The following RHOBTB1 variants were observed in gnomAD, a reference collection of about 807,000 sequenced individuals.
RHOBTB1 encodes Rho related BTB domain containing 1, also known as rho-related BTB domain-containing protein 1.
A neutral mutation model predicts 71.6 loss-of-function variants in RHOBTB1; 40 were observed. That is an observed-to-expected ratio of 0.56 (90% CI 0.43 to 0.73). The LOEUF is 0.73. RHOBTB1 is among the 30% of genes least tolerant of loss of function. RHOBTB1 has a pLI of 0.00. For missense variants in RHOBTB1, 797 were observed against 894.0 expected, an observed-to-expected ratio of 0.89 and a Z score of 1.38; for synonymous variants, 319 against 334.9, an observed-to-expected ratio of 0.95 and a Z score of 0.52.
chr10:60,976,365 G>A (rs577091162), intron 2 of RHOBTB1, among the ~76,000 whole-genome samples: 196 of 151,278 alleles, frequency 1.3e-3, no homozygotes, highest in African/African-American at 4.2e-3. Flanking sequence ...GAGTAAGATC[G>A]CTGAAATCTC....
At position 60,870,583 on chromosome 10, in the gene RHOBTB1, G is replaced by A. The variant is rs1005625424; in HGVS notation, c.*899C>T. Reference sequence around the variant, plus strand: ...TTTTCCCTTGCCCATCTCAATTCAAGTCAGTGAAGAATCTGCATGCAGAAG... The same window carrying A: ...TTTTCCCTTGCCCATCTCAATTCAAATCAGTGAAGAATCTGCATGCAGAAG... On this transcript the variant is annotated 3_prime_UTR_variant, in exon 11 of 11. Coordinates refer to ENST00000337910, the MANE Select transcript of RHOBTB1 (RefSeq NM_014836.5). The A allele has an allele frequency of 4.6e-5, 7 of 152,182 alleles. No individual in the cohort carries two copies. Among genetic ancestry groups the A allele is most frequent in the African/African-American group, 1.7e-4 (7 of 41,434 alleles). 9.4% of individuals were successfully genotyped at this position (152,182 alleles called of 1,614,324 possible). A position where few individuals can be genotyped will look rare whatever the true frequency, so the allele number is the denominator to read the frequency against.
chr10:60,897,598 C>G (rs4072139), intron 4 of RHOBTB1, among the ~76,000 whole-genome samples: 46,541 of 152,048 alleles, frequency 0.31, 7,402 homozygotes, highest in East Asian at 0.58. Context: ...CTCCAGAAAG[C>G]TATGAGTGGG....
intron 4 of RHOBTB1, among the ~76,000 whole-genome samples, chr10:60,899,482 G>C (rs1015252881): frequency 9.9e-5 from 15 of 152,264 alleles, no homozygotes; most frequent in African/African-American, 3.6e-4. Flanking sequence ...GGAGGTCTCT[G>C]GGATTAACCT....
intron 2 of RHOBTB1, among the ~76,000 whole-genome samples, chr10:60,920,501 G>A (rs1044667950): frequency 3.3e-5 from 5 of 152,150 alleles, no homozygotes; most frequent in Non-Finnish European, 7.3e-5. Context: ...AGGTTAGAAA[G>A]GTAGGTGGGG....
intron 7 of RHOBTB1, among the ~76,000 whole-genome samples, chr10:60,884,743 A>G (rs1311948727): frequency 6.6e-6 from 1 of 152,218 alleles, no homozygotes; most frequent in Non-Finnish European, 1.5e-5. Context: ...ACAGAGAGAC[A>G]AATATCACAG....
intron 8 of RHOBTB1, among the ~76,000 whole-genome samples, chr10:60,875,621 A>G (rs546813364): frequency 4.6e-5 from 7 of 152,210 alleles, no homozygotes; most frequent in Non-Finnish European, 1.0e-4. Flanking sequence ...GTTGAGTGAC[A>G]GAGGAATGAG....
chr10:60,940,406 G>A (rs150726127), intron 2 of RHOBTB1, among the ~76,000 whole-genome samples: 1 of 152,246 alleles, frequency 6.6e-6, no homozygotes, highest in East Asian at 1.9e-4. Flanking sequence ...GTTAATTCAG[G>A]CAAAACCTGA....
the RHOBTB1 span, among the ~76,000 whole-genome samples, chr10:60,862,289 C>T: frequency 2.6e-5 from 4 of 152,016 alleles, no homozygotes; most frequent in Admixed American, 2.6e-4. Flanking sequence ...CTTTTACCAC[C>T]TGGATACAAG....
Position 60,878,022 on chromosome 10 carries a change from C to T in RHOBTB1, c.1612G>A (p.Ala538Thr). 5 of 1,612,750 alleles carry T rather than the reference C, an allele frequency of 3.1e-6. No individual in the cohort carries two copies. The highest frequency in any genetic ancestry group is 3.4e-6 in the Non-Finnish European group (4 of 1,179,228). ...LPNINKISMQ[A>T]VLDYLYTKQL... The stretch of plus-strand genomic sequence containing the variant: ...TTGGTATAGAGATAATCCAATACTG[C>T]TTGCATTGATATCTTGTTTATGTTC... Residue 538 changes from alanine (A) to threonine (T), a missense_variant, in exon 8 of 11, where the codon GCA (alanine) becomes ACA (threonine). By Grantham distance (58) the Ala-to-Thr change is moderately conservative. Transcript: ENST00000337910.
intron 2 of RHOBTB1, among the ~76,000 whole-genome samples, chr10:60,963,334 A>G (rs1245342083): frequency 6.6e-6 from 1 of 152,210 alleles, no homozygotes; most frequent in African/African-American, 2.4e-5. Context: ...AGACGATGAA[A>G]GTGAATTTAA....
rs71018931 is a variant in RHOBTB1 at position 60,880,202 on chromosome 10, TGAGAGAGAGA to T, written c.1576-2154_1576-2145del. Among the ~76,000 whole-genome samples the T allele has an allele frequency of 2.5e-3, 322 of 126,994 alleles. 3 individuals carry two copies. The highest frequency in any genetic ancestry group is 8.7e-3 in the Middle Eastern group (2 of 230). The allele number at this position is 126,994 out of a possible 152,430, so 83.3% of individuals were successfully genotyped here. A position where few individuals can be genotyped will look rare whatever the true frequency, so the allele number is the denominator to read the frequency against. On this transcript the variant is annotated intron_variant, in intron 7 of 10. Transcript: ENST00000337910. ...CTGTGTGTGTGTGTGTGTGTGTGTG[TGAGAGAGAGA>T]GAGAGAGAGAGAGAGAGAGAGAGAG...
chr10:60,934,235 T>G (rs1020883514), intron 2 of RHOBTB1, among the ~76,000 whole-genome samples: 3 of 152,212 alleles, frequency 2.0e-5, no homozygotes, highest in Non-Finnish European at 4.4e-5. Flanking sequence ...GTGAACTGCC[T>G]TTCATATGGT....
chr10:60,979,806 G>A (rs967369426), intron 2 of RHOBTB1, among the ~76,000 whole-genome samples: 8 of 152,154 alleles, frequency 5.3e-5, no homozygotes, highest in Admixed American at 1.3e-4. Context: ...AGTTAGTGAA[G>A]GTCTTATTGA....
At chr10:60,990,816 C>T (rs1015015619) in intron 1 of RHOBTB1, among the ~76,000 whole-genome samples, 2 of 152,200 alleles carry the variant, frequency 1.3e-5, no homozygotes, top group African/African-American at 4.8e-5. Flanking sequence ...TGCCTCCAGA[C>T]CTATGAATGT....
At chr10:60,872,686 C>T (rs1382569154) in intron 9 of RHOBTB1, among the ~76,000 whole-genome samples, 1 of 152,044 alleles carries the variant, frequency 6.6e-6, no homozygotes, top group African/African-American at 2.4e-5. Context: ...TACTTCGTGT[C>T]GCATGTCAGA....
At position 60,872,167 on chromosome 10, in the gene RHOBTB1, G is replaced by A. The variant is rs146928454; in HGVS notation, c.1921+18C>T. The A allele has an allele frequency of 4.0e-4, 617 of 1,538,238 alleles. 4 individuals are homozygous for A. The African/African-American group carries it at 6.9e-3, about 17-fold the overall frequency. Reference sequence around the variant, plus strand: ...AGGTGAGGAGAGCTGGATGAATGGGGGCCTCACACAGTCTCACCTGCAGAT... The same window carrying A: ...AGGTGAGGAGAGCTGGATGAATGGGAGCCTCACACAGTCTCACCTGCAGAT... On this transcript the variant is annotated intron_variant, in intron 10 of 10. Coordinates refer to ENST00000337910, the MANE Select transcript of RHOBTB1 (RefSeq NM_014836.5).
At chr10:60,956,552 C>T (rs2085598626) in intron 2 of RHOBTB1, among the ~76,000 whole-genome samples, 1 of 152,014 alleles carries the variant, frequency 6.6e-6, no homozygotes, top group African/African-American at 2.4e-5. Flanking sequence ...TAACATTTGG[C>T]TTAAAATACA....
chr10:60,922,158 T>C (rs1005993178), intron 2 of RHOBTB1, among the ~76,000 whole-genome samples: 1 of 152,206 alleles, frequency 6.6e-6, no homozygotes, highest in Non-Finnish European at 1.5e-5. Flanking sequence ...ATTCAAGGGA[T>C]TCTCAGCGCT....
At chr10:60,867,158 G>A (rs982135995), downstream of RHOBTB1, among the ~76,000 whole-genome samples, 1 of 152,190 alleles carries the variant, frequency 6.6e-6, no homozygotes, top group Non-Finnish European at 1.5e-5. Flanking sequence ...AAAGCTTAGA[G>A]AAGTTGTGTA....
Sources: gnomAD v4.1 joint callset for allele counts (sites outside exome capture counted in the v4.1 genomes callset) on GRCh38, gnomAD v4.1.1 for gene constraint, MANE v1.5 for transcripts, NCBI Gene and HGNC (gene_info 2026-07-23, HGNC 2026-07-21) for gene names.